The following CTNNA3 variants were observed in gnomAD, a reference collection of about 807,000 sequenced individuals.
CTNNA3 encodes the protein catenin alpha 3.
Under a neutral mutation model 95.7 loss-of-function variants are expected in CTNNA3, and 76 were observed. The observed-to-expected ratio is 0.79, with a 90% CI of 0.66 to 0.96. The LOEUF (loss-of-function observed/expected upper bound fraction) is 0.96. Among genes scored for constraint, CTNNA3 ranks in the 40% least tolerant of loss-of-function variants. The pLI, the probability that CTNNA3 is intolerant of heterozygous loss-of-function variation, is 0.00. For missense variants in CTNNA3, 1,191 were observed against 1,089.8 expected (o/e 1.09, Z -1.31); for synonymous variants, 431 against 374.4 (o/e 1.15, Z -1.74).
At chr10:67,458,902 TC>T (rs1244696260) in intron 5 of CTNNA3, among the ~76,000 whole-genome samples, 1 of 152,054 alleles carries the variant, frequency 6.6e-6, no homozygotes, top group Non-Finnish European at 1.5e-5. Flanking sequence ...ACCATATCAA[TC>T]CCCAAGAACG....
intron 7 of CTNNA3, among the ~76,000 whole-genome samples, chr10:67,023,796 A>G (rs1853180499): frequency 6.6e-6 from 1 of 152,214 alleles, no homozygotes; most frequent in African/African-American, 2.4e-5. Flanking sequence ...TATACAAGAA[A>G]GCATGTAAGA....
intron 5 of CTNNA3, among the ~76,000 whole-genome samples, chr10:67,389,565 G>C (rs1378903280): frequency 1.1e-4 from 17 of 151,386 alleles, no homozygotes; most frequent in African/African-American, 4.1e-4. Context: ...GGACCTAATA[G>C]ACATCTACAG....
chr10:67,358,699 C>T (rs1048504962), intron 5 of CTNNA3, among the ~76,000 whole-genome samples: 2 of 152,074 alleles, frequency 1.3e-5, no homozygotes, highest in Non-Finnish European at 2.9e-5. Context: ...CTGACTCTTG[C>T]CAGGCACAGA....
intron 12 of CTNNA3, among the ~76,000 whole-genome samples, chr10:66,336,458 A>C (rs2092397589): frequency 6.6e-6 from 1 of 152,076 alleles, no homozygotes; most frequent in African/African-American, 2.4e-5. Context: ...ATAACTTTGG[A>C]ATCTTTGCTT....
intron 13 of CTNNA3, among the ~76,000 whole-genome samples, chr10:66,114,500 G>A (rs2082246651): frequency 1.4e-5 from 2 of 145,588 alleles, no homozygotes; most frequent in African/African-American, 4.9e-5. Context: ...ATATATGTGT[G>A]CATATATGTA....
At chr10:66,351,807 C>A (rs987205186) in intron 12 of CTNNA3, among the ~76,000 whole-genome samples, 4 of 151,870 alleles carry the variant, frequency 2.6e-5, no homozygotes, top group Admixed American at 1.3e-4. Context: ...AAAGATCTCT[C>A]ATATACAATT....
intron 2 of CTNNA3, among the ~76,000 whole-genome samples, chr10:67,644,508 T>A (rs1210929761): frequency 6.6e-6 from 1 of 152,094 alleles, no homozygotes; most frequent in Non-Finnish European, 1.5e-5. Flanking sequence ...AAAAAAACCT[T>A]TAATATAATT....
intron 5 of CTNNA3, among the ~76,000 whole-genome samples, chr10:67,510,502 G>T (rs1839584408): frequency 6.7e-6 from 1 of 149,708 alleles, no homozygotes; most frequent in African/African-American, 2.5e-5. Context: ...TCAGATGGTT[G>T]TAGATGTGTG....
chr10:67,142,485 G>A (rs1860615083), intron 7 of CTNNA3, among the ~76,000 whole-genome samples: 1 of 152,050 alleles, frequency 6.6e-6, no homozygotes, highest in Non-Finnish European at 1.5e-5. Flanking sequence ...TTTCGTATCA[G>A]ACCATCACAA....
intron 1 of CTNNA3, among the ~76,000 whole-genome samples, chr10:67,678,911 G>A (rs1226165774): frequency 6.6e-6 from 1 of 152,080 alleles, no homozygotes; most frequent in Non-Finnish European, 1.5e-5. Context: ...GTTTGATGAT[G>A]GAAGTAGATA....
At chr10:67,444,016 T>C (rs187358330) in intron 5 of CTNNA3, among the ~76,000 whole-genome samples, 9 of 152,298 alleles carry the variant, frequency 5.9e-5, no homozygotes, top group Admixed American at 3.3e-4. Context: ...AACAAAGAAA[T>C]GTAATATTTA....
At chr10:67,673,959 A>G (rs1189509455) in intron 1 of CTNNA3, among the ~76,000 whole-genome samples, 4 of 151,482 alleles carry the variant, frequency 2.6e-5, no homozygotes, top group Non-Finnish European at 5.9e-5. Flanking sequence ...CTAATCAAGC[A>G]CGTTTCGGTA....
chr10:66,417,531 A>G (rs1258616676), intron 11 of CTNNA3, among the ~76,000 whole-genome samples: 1 of 152,034 alleles, frequency 6.6e-6, no homozygotes, highest in Non-Finnish European at 1.5e-5. Context: ...AAACAGACCT[A>G]ACAGATATTT....
At chr10:66,122,105 A>G (rs1378695693) in intron 13 of CTNNA3, among the ~76,000 whole-genome samples, 2 of 152,232 alleles carry the variant, frequency 1.3e-5, no homozygotes, top group Non-Finnish European at 2.9e-5. Context: ...GGAAAAACAG[A>G]TAACAAACAA....
At chr10:65,931,931 T>A (rs540001203) in intron 17 of CTNNA3, among the ~76,000 whole-genome samples, 2 of 152,186 alleles carry the variant, frequency 1.3e-5, no homozygotes, top group Non-Finnish European at 2.9e-5. Flanking sequence ...TCCCCAGGCA[T>A]TGGAATTCAG....
intron 9 of CTNNA3, among the ~76,000 whole-genome samples, chr10:66,748,209 CA>C (rs1254437656): frequency 6.6e-6 from 1 of 152,186 alleles, no homozygotes; most frequent in Non-Finnish European, 1.5e-5. Context: ...TAATAACCTT[CA>C]AAGTTCTGAA....
intron 11 of CTNNA3, among the ~76,000 whole-genome samples, chr10:66,428,215 T>C (rs375494633): frequency 3.9e-5 from 6 of 152,168 alleles, no homozygotes; most frequent in African/African-American, 1.4e-4. Flanking sequence ...ATCCTAAATA[T>C]ATATGCACCA....
At chr10:67,021,797 G>C (rs1853031151) in intron 7 of CTNNA3, among the ~76,000 whole-genome samples, 1 of 152,120 alleles carries the variant, frequency 6.6e-6, no homozygotes, top group African/African-American at 2.4e-5. Flanking sequence ...GCTGAATTAG[G>C]ACAATGGCAA....
chr10:67,180,476 T>C lies in CTNNA3; in HGVS notation c.888A>G (p.Ile296Met), dbSNP rs1452373862. ...CAAGGCGTTTCTCTAGTGATGGTCG[T>C]ATTTCCTCCTCAGTTACTGTGAGTG... ...LNPLTVTEEE[I>M]RPSLEKRLEA... Residue 296 changes from isoleucine (I) to methionine (M), a missense_variant, in exon 7 of 18, where the codon ATA becomes ATG. By Grantham distance (10) the Ile-to-Met change is conservative. Coordinates refer to ENST00000433211, the MANE Select transcript of CTNNA3 (RefSeq NM_013266.4). 6.2e-6 allele frequency: 10 copies of C among 1,613,886 alleles called. No individual in the cohort carries two copies. The highest frequency in any genetic ancestry group is 8.5e-6 in the Non-Finnish European group (10 of 1,179,872).
Sources: allele counts gnomAD v4.1 joint callset (sites outside exome capture counted in the v4.1 genomes callset), GRCh38; gene constraint gnomAD v4.1.1; transcripts MANE v1.5; gene names NCBI Gene and HGNC (gene_info 2026-07-23, HGNC 2026-07-21).